Variants in LRCH2 observed in about 807,000 individuals in gnomAD.
LRCH2 encodes leucine rich repeats and calponin homology domain containing 2.
In LRCH2, 38 loss-of-function variants were observed where a neutral mutation model predicts 68.9. The ratio of observed to expected loss-of-function variants is 0.55; its 90% CI spans 0.43 to 0.72. LRCH2 has a LOEUF of 0.72. Ranked by LOEUF, LRCH2 falls within the 30% of genes least tolerant of loss-of-function variation. The probability of loss-of-function intolerance (pLI) is 0.00; values close to 1 mark genes in which losing one functional copy is unlikely to be tolerated. For synonymous variants in LRCH2, 191 were observed against 208.1 expected (o/e 0.92, Z 0.71); for missense variants, 528 against 572.9 (o/e 0.92, Z 0.80).
intron 20 of LRCH2, among the ~76,000 whole-genome samples, chrX:115,122,194 T>C (rs1282451076): frequency 9.7e-6 from 1 of 102,610 alleles, no homozygotes; most frequent in Non-Finnish European, 2.0e-5. Flanking sequence ...GGGGTCCAAA[T>C]GTTCTCTAGC....
At position 115,224,216 on chromosome X, in the gene LRCH2, G is replaced by A. The variant is rs143991450; in HGVS notation, c.349+9477C>T. On this transcript the variant is annotated intron_variant, in intron 1 of 20. Coordinates refer to ENST00000317135, the MANE Select transcript of LRCH2 (RefSeq NM_020871.4). The stretch of plus-strand genomic sequence containing the variant: ...TGGTTGCCTAGGGTTTGATTGGTTG[G>A]GGAGGAGGCAGGGAGAATGGAAAGG... Among the ~76,000 whole-genome samples, 462 of 111,506 alleles carry A rather than the reference G, an allele frequency of 4.1e-3. 2 individuals carry two copies. The highest frequency in any genetic ancestry group is 6.7e-3 in the Non-Finnish European group (354 of 53,117).
At chrX:115,185,212 G>A (rs781985360) in intron 2 of LRCH2, among the ~76,000 whole-genome samples, 2 of 112,013 alleles carry the variant, frequency 1.8e-5, no homozygotes, top group South Asian at 3.7e-4. Flanking sequence ...CATGTTCAGG[G>A]CAGCTCATGT....
At chrX:115,154,920 G>A (rs2072461232) in intron 12 of LRCH2, among the ~76,000 whole-genome samples, 1 of 107,769 alleles carries the variant, frequency 9.3e-6, no homozygotes, top group South Asian at 4.1e-4. Context: ...CAGCATTTTG[G>A]GAGGCTGAGG....
At chrX:115,147,962 G>A (rs974440556) in intron 14 of LRCH2, among the ~76,000 whole-genome samples, 2 of 111,230 alleles carry the variant, frequency 1.8e-5, no homozygotes, top group African/African-American at 6.5e-5. Context: ...TGAAGCAAGA[G>A]GATCACGTGA....
At chrX:115,169,245 C>T (rs1333300799) in intron 6 of LRCH2, among the ~76,000 whole-genome samples, 1 of 111,914 alleles carries the variant, frequency 8.9e-6, no homozygotes, top group Non-Finnish European at 1.9e-5. Flanking sequence ...GAGGCCAAGA[C>T]CAACATATAT....
At chrX:115,124,112 T>G (rs2072166181) in intron 16 of LRCH2, 110 bp from the exon 17 acceptor site, 5 of 388,565 alleles carry the variant, frequency 1.3e-5, no homozygotes, top group Non-Finnish European at 2.0e-5. Flanking sequence ...ATACTTATTT[T>G]CCTATGATTA....
At chrX:115,198,994 T>C (rs1427865337) in intron 1 of LRCH2, among the ~76,000 whole-genome samples, 2 of 111,606 alleles carry the variant, frequency 1.8e-5, no homozygotes, top group Non-Finnish European at 3.8e-5. Flanking sequence ...GCTTCATAAA[T>C]AAGAAGAAAT....
Position 115,111,151 on chromosome X carries a change from T to TA in LRCH2, c.*2064dup, listed in dbSNP as rs1457428612. On this transcript the variant is annotated 3_prime_UTR_variant, in exon 21 of 21. Transcript: ENST00000317135. ...GTGGTGTTGCCATTTGGCACAAGAG[T>TA]AAATGAACTGCCATGATGTGGACCT... The TA allele has an allele frequency of 9.0e-6, 1 of 111,485 alleles. No homozygotes were observed. Among genetic ancestry groups the TA allele is most frequent in the African/African-American group, 3.3e-5 (1 of 30,707 alleles). 9.2% of individuals were successfully genotyped at this position (111,485 alleles called of 1,213,427 possible).
intron 14 of LRCH2, among the ~76,000 whole-genome samples, chrX:115,148,000 T>C (rs1556536990): frequency 9.0e-6 from 1 of 111,305 alleles, no homozygotes; most frequent in Non-Finnish European, 1.9e-5. Flanking sequence ...AGCCCAGGCA[T>C]TTGAGGCTGC....
chrX:115,232,509 G>C (rs782161064), intron 1 of LRCH2, among the ~76,000 whole-genome samples: 1 of 111,296 alleles, frequency 9.0e-6, no homozygotes, highest in African/African-American at 3.3e-5. Context: ...AAGAATCACT[G>C]GGTGGAAAGC....
intron 14 of LRCH2, among the ~76,000 whole-genome samples, chrX:115,144,379 C>T (rs2072364223): frequency 9.0e-6 from 1 of 111,002 alleles, no homozygotes; most frequent in South Asian, 3.9e-4. Flanking sequence ...AGCCTTTCCC[C>T]TAAGATCTAA....
In LRCH2 at chrX:115,122,609, A is replaced by AAAGT; in HGVS notation, c.2101-9_2101-6dup. The stretch of plus-strand genomic sequence containing the variant: ...TTTTGCCATGCTCAGTTTGGGCTGT[A>AAAGT]AAGTAAGAGGGAAAAAATGTACTTT... On this transcript the variant is annotated splice_region_variant and splice_polypyrimidine_tract_variant and intron_variant, in intron 19 of 20. Transcript: ENST00000317135. The AAAGT allele has an allele frequency of 8.3e-7, 1 of 1,204,307 alleles. No individual in the cohort carries two copies. Among genetic ancestry groups the AAAGT allele is most frequent in the Non-Finnish European group, 1.1e-6 (1 of 892,010 alleles).
intron 16 of LRCH2, among the ~76,000 whole-genome samples, chrX:115,124,780 C>T (rs2072172158): frequency 8.9e-6 from 1 of 111,764 alleles, no homozygotes; most frequent in Non-Finnish European, 1.9e-5. Context: ...TGGAAAGTTA[C>T]CCATCTCTTC....
At chrX:115,190,151 C>T (rs910318859) in intron 1 of LRCH2, 22 of 1,162,770 alleles carry the variant, frequency 1.9e-5, no homozygotes, top group African/African-American at 3.6e-5. Flanking sequence ...TACTCAGGCC[C>T]GCGGGTCCGG....
At chrX:115,213,113 A>C (rs2073019470) in intron 1 of LRCH2, among the ~76,000 whole-genome samples, 1 of 111,132 alleles carries the variant, frequency 9.0e-6, no homozygotes, top group Non-Finnish European at 1.9e-5. Flanking sequence ...CTTTGTTTTG[A>C]AGGCAAACAG....
chrX:115,113,428 AAT>A (rs2072057989), intron 20 of LRCH2, 93 bp from the exon 21 acceptor site: 5 of 715,275 alleles, frequency 7.0e-6, no homozygotes, highest in African/African-American at 4.4e-5. Flanking sequence ...ATTTCTATAA[AAT>A]GTCAAGAAAA....
At chrX:115,222,547 T>C (rs1237735641) in intron 1 of LRCH2, among the ~76,000 whole-genome samples, 1 of 111,859 alleles carries the variant, frequency 8.9e-6, no homozygotes, top group Non-Finnish European at 1.9e-5. Flanking sequence ...TTCAGCAAGG[T>C]TGAAGGATAA....
At chrX:115,159,730 G>A (rs782689851) in intron 11 of LRCH2, among the ~76,000 whole-genome samples, 35 of 90,226 alleles carry the variant, frequency 3.9e-4, no homozygotes, top group African/African-American at 1.3e-3. Flanking sequence ...CAGCCTGGAC[G>A]ACAGAGTGAG....
Position 115,177,017 on chromosome X carries a change from A to G in LRCH2, c.864+2410T>C, listed in dbSNP as rs142728088. Among the ~76,000 whole-genome samples, 802 of 100,875 alleles carry G rather than the reference A, an allele frequency of 8.0e-3. 13 individuals are homozygous for G. The highest frequency in any genetic ancestry group is 0.029 in the African/African-American group (778 of 27,141). 87.6% of individuals were successfully genotyped at this position (100,875 alleles called of 115,157 possible). On this transcript the variant is annotated intron_variant, in intron 5 of 20. Transcript: ENST00000317135. ...CTGCCTCAGCCTCCCAAAGTGCTGC[A>G]ATTACAAGTGTGAGCCACCGCACCC... is the stretch of plus-strand genomic sequence containing the variant.
Sources: allele counts gnomAD v4.1 joint callset (sites outside exome capture counted in the v4.1 genomes callset), GRCh38; gene constraint gnomAD v4.1.1; transcripts MANE v1.5; gene names NCBI Gene and HGNC (gene_info 2026-07-23, HGNC 2026-07-21).